CDH13: variants seen among roughly 807,000 people sequenced by gnomAD.
The protein encoded by CDH13 is cadherin 13.
In CDH13, 24 loss-of-function variants were observed where a neutral mutation model predicts 63.8. The ratio of observed to expected loss-of-function variants is 0.38; its 90% confidence interval spans 0.27 to 0.53. The LOEUF is 0.53. Ranked by LOEUF, CDH13 falls within the 20% of genes least tolerant of loss-of-function variation. The probability of loss-of-function intolerance (pLI) is 0.85; values close to 1 mark genes in which losing one functional copy is unlikely to be tolerated. For synonymous variants in CDH13, 503 were observed against 355.3 expected (o/e 1.42, Z -4.67); for missense variants, 1,049 against 903.1 (o/e 1.16, Z -2.07).
chr16:82,671,506 G>T (rs10514552), intron 1 of CDH13, among the ~76,000 whole-genome samples: 1 of 152,038 alleles, frequency 6.6e-6, no homozygotes, highest in East Asian at 1.9e-4. Flanking sequence ...TTAAGAAAAC[G>T]ATTACACCTA....
chr16:83,346,656 A>G (rs2090846454), intron 6 of CDH13, among the ~76,000 whole-genome samples: 1 of 152,238 alleles, frequency 6.6e-6, no homozygotes, highest in Non-Finnish European at 1.5e-5. Flanking sequence ...GCCTGTCCTT[A>G]AAGTTTAGAA....
At chr16:83,315,131 C>T (rs576244293) in intron 5 of CDH13, among the ~76,000 whole-genome samples, 2 of 152,302 alleles carry the variant, frequency 1.3e-5, no homozygotes, top group East Asian at 3.9e-4. Context: ...CAATAGTAGC[C>T]TGTCTGTGTA....
intron 8 of CDH13, among the ~76,000 whole-genome samples, chr16:83,646,179 A>G (rs1009978063): frequency 4.6e-5 from 7 of 152,024 alleles, no homozygotes; most frequent in Non-Finnish European, 8.8e-5. Context: ...TCTGAATCCC[A>G]TCTCTCCACT....
intron 7 of CDH13, among the ~76,000 whole-genome samples, chr16:83,546,548 C>T (rs560646327): frequency 6.6e-6 from 1 of 151,824 alleles, no homozygotes; most frequent in South Asian, 2.1e-4. Context: ...ATTTAAGTGC[C>T]AGATAACATC....
At chr16:83,352,089 G>C (rs978536853) in intron 6 of CDH13, among the ~76,000 whole-genome samples, 1 of 152,196 alleles carries the variant, frequency 6.6e-6, no homozygotes, top group Non-Finnish European at 1.5e-5. Flanking sequence ...GTGCTGCCCA[G>C]GGATGGCATC....
intron 2 of CDH13, among the ~76,000 whole-genome samples, chr16:83,018,196 T>C (rs1324046264): frequency 1.3e-5 from 2 of 152,110 alleles, no homozygotes; most frequent in African/African-American, 4.8e-5. Context: ...CTCTGTAAAA[T>C]GGTTGAAATA....
chr16:82,810,158 T>A (rs2151178512), intron 1 of CDH13, among the ~76,000 whole-genome samples: 1 of 152,328 alleles, frequency 6.6e-6, no homozygotes, highest in Non-Finnish European at 1.5e-5. Context: ...GCCTACTTTC[T>A]AAATGAGATG....
chr16:83,429,457 T>C (rs935981201), intron 6 of CDH13, among the ~76,000 whole-genome samples: 4 of 151,986 alleles, frequency 2.6e-5, no homozygotes, highest in Non-Finnish European at 5.9e-5. Flanking sequence ...CTCAGAGACT[T>C]CCTGTGATTA....
At chr16:83,317,212 A>G (rs904938965) in intron 5 of CDH13, among the ~76,000 whole-genome samples, 1 of 152,184 alleles carries the variant, frequency 6.6e-6, no homozygotes, top group African/African-American at 2.4e-5. Context: ...CCCAAGGCAA[A>G]CTTCTATAAA....
At chr16:82,675,856 G>A (rs978219871) in intron 1 of CDH13, among the ~76,000 whole-genome samples, 1 of 152,158 alleles carries the variant, frequency 6.6e-6, no homozygotes, top group African/African-American at 2.4e-5. Flanking sequence ...CAAAAGAAAT[G>A]GGTATTGCTC....
At chr16:83,056,601 C>G (rs1380691090) in intron 3 of CDH13, among the ~76,000 whole-genome samples, 2 of 152,186 alleles carry the variant, frequency 1.3e-5, no homozygotes, top group African/African-American at 4.8e-5. Flanking sequence ...TAACTAATCT[C>G]TGTTGAGCTA....
chr16:83,634,183 G>A (rs117750797), intron 8 of CDH13, among the ~76,000 whole-genome samples: 242 of 146,214 alleles, frequency 1.7e-3, no homozygotes, highest in Admixed American at 2.6e-3. Context: ...TTGATCACAC[G>A]TACAGATTTG....
chr16:82,818,331 A>G (rs1307779567), intron 1 of CDH13, among the ~76,000 whole-genome samples: 2 of 152,186 alleles, frequency 1.3e-5, no homozygotes, highest in East Asian at 3.9e-4. Context: ...CTAAGGACTA[A>G]AAGATAAAAA....
At chr16:83,621,939 G>A (rs1404601718) in intron 8 of CDH13, among the ~76,000 whole-genome samples, 1 of 152,100 alleles carries the variant, frequency 6.6e-6, no homozygotes, top group African/African-American at 2.4e-5. Flanking sequence ...TAAAAGGGTT[G>A]GAGGGCTTCT....
At chr16:82,670,874 T>C (rs1023821506) in intron 1 of CDH13, among the ~76,000 whole-genome samples, 1 of 152,194 alleles carries the variant, frequency 6.6e-6, no homozygotes, top group Admixed American at 6.5e-5. Flanking sequence ...AAACAAAACA[T>C]TTTTCCCATG....
chr16:83,724,936 T>C (rs1910203809), intron 10 of CDH13, among the ~76,000 whole-genome samples: 1 of 152,170 alleles, frequency 6.6e-6, no homozygotes, highest in Admixed American at 6.5e-5. Context: ...CTTATTGGTG[T>C]CCTCATTAGG....
chr16:83,098,554 T>A (rs2034317203), intron 3 of CDH13, among the ~76,000 whole-genome samples: 1 of 152,244 alleles, frequency 6.6e-6, no homozygotes, highest in Non-Finnish European at 1.5e-5. Context: ...ATGAATTCCT[T>A]CGCCTTTTGT....
chr16:83,086,207 C>T (rs1165414031), intron 3 of CDH13, among the ~76,000 whole-genome samples: 1 of 152,218 alleles, frequency 6.6e-6, no homozygotes, highest in Non-Finnish European at 1.5e-5. Flanking sequence ...GCGGTTTTCT[C>T]AGACAGAGTC....
rs556375333 is a variant in CDH13, at chr16:82,691,037, G to C, written c.45+63900G>C. On this transcript the variant is annotated intron_variant, in intron 1 of 13. Coordinates refer to ENST00000567109, the MANE Select transcript of CDH13 (RefSeq NM_001257.5). Reference sequence around the variant, plus strand: ...ATAGAGCCAGTGAGGGACATGCAGAGAAACACCTAGATTTTGGATTCATTT... The same window carrying C: ...ATAGAGCCAGTGAGGGACATGCAGACAAACACCTAGATTTTGGATTCATTT... Among the ~76,000 whole-genome samples, 76 of 152,326 alleles carry C rather than the reference G, an allele frequency of 5.0e-4. 1 individual carries two copies. Among genetic ancestry groups the C allele is most frequent in the Non-Finnish European group, 5.1e-4 (35 of 68,028 alleles).
Sources: allele counts gnomAD v4.1 joint callset (sites outside exome capture counted in the v4.1 genomes callset), GRCh38; gene constraint gnomAD v4.1.1; transcripts MANE v1.5; gene names NCBI Gene and HGNC (gene_info 2026-07-23, HGNC 2026-07-21).